The following ATN1 variants were observed in gnomAD, a reference collection of about 807,000 sequenced individuals.
ATN1 encodes atrophin-1.
In ATN1, 19 loss-of-function variants were observed where a neutral mutation model predicts 85.8. That is an observed-to-expected ratio of 0.22 (90% CI 0.15 to 0.32). The LOEUF (loss-of-function observed/expected upper bound fraction) is 0.32, where lower values mean the gene tolerates loss of function less well. Ranked by LOEUF, ATN1 falls within the 10% of genes least tolerant of loss-of-function variation. ATN1 has a pLI of 1.00. For synonymous variants in ATN1, 674 were observed against 657.0 expected, an observed-to-expected ratio of 1.03 and a Z score of -0.39; for missense variants, 1,453 against 1,564.5, an observed-to-expected ratio of 0.93 and a Z score of 1.20.
At chr12:6,926,409 T>C (rs1297915650), upstream of ATN1, among the ~76,000 whole-genome samples, 1 of 152,062 alleles carries the variant, frequency 6.6e-6, no homozygotes, top group African/African-American at 2.4e-5. Context: ...CCCATGAGCT[T>C]GCCAGCAACC....
At position 6,936,601 on chromosome 12, in the gene ATN1, C is replaced by T; in HGVS notation, c.1334C>T (p.Pro445Leu). 9.9e-6 allele frequency: 16 copies of T among 1,611,840 alleles called. No individual in the cohort carries two copies. The highest frequency in any genetic ancestry group is 1.3e-5 in the Non-Finnish European group (15 of 1,178,746). ...QAVWSQGPPP[P>L]PPYGRLLANS... ...GTGTGGAGCCAGGGTCCCCCACCAC[C>T]TCCTCCCTATGGCCGCCTCTTAGCC... Residue 445 changes from proline (P) to leucine (L), a missense_variant, in exon 5 of 10, where the codon CCT becomes CTT. By Grantham distance (98) the Pro-to-Leu change is moderately conservative. Transcript: ENST00000396684.
upstream of ATN1, chr12:6,924,508 C>T (rs959416828): frequency 6.6e-6 from 1 of 152,470 alleles, no homozygotes; most frequent in African/African-American, 2.4e-5. Flanking sequence ...AGGCTGTCCC[C>T]TGCGGGCCTC....
At chr12:6,929,604 G>A (rs2239167) in intron 1 of ATN1, among the ~76,000 whole-genome samples, 9,168 of 152,222 alleles carry the variant, frequency 0.06, 702 homozygotes, top group East Asian at 0.42. Context: ...TTGGGACTCT[G>A]GGCTGGGTTT....
At chr12:6,932,115 C>T (rs1555143131) in intron 1 of ATN1, among the ~76,000 whole-genome samples, 1 of 151,436 alleles carries the variant, frequency 6.6e-6, no homozygotes, top group Admixed American at 6.6e-5. Context: ...AGGCTCTGTC[C>T]CAGCAATTTT....
chr12:6,929,317 G>C (rs1722745678), intron 1 of ATN1, among the ~76,000 whole-genome samples: 1 of 152,124 alleles, frequency 6.6e-6, no homozygotes, highest in Non-Finnish European at 1.5e-5. Context: ...ATCTATATAG[G>C]GAGGCCTTAG....
At position 6,934,416 on chromosome 12, in the gene ATN1, A is replaced by C; in HGVS notation, c.166-49A>C. 1.2e-6 allele frequency: 2 copies of C among 1,607,858 alleles called. No homozygotes were observed. The highest frequency in any genetic ancestry group is 3.4e-5 in the Admixed American group (2 of 59,156). On this transcript the variant is annotated intron_variant, in intron 3 of 9. Coordinates refer to ENST00000396684, the MANE Select transcript of ATN1 (RefSeq NM_001940.4). This position sits in a 1 kb window ranked among gnomAD's most constrained non-coding sequence, Gnocchi z 4.5. ...CCTGTTTGGCAGAGGGTAACGGTGG[A>C]GCTCGGGAGGTAGGGAAAAGACAGG...
rs142325562 is a variant in ATN1, at chr12:6,935,779, C to T, written c.512C>T (p.Pro171Leu). The T allele has an allele frequency of 5.0e-5, 80 of 1,613,780 alleles. No homozygotes were observed. Among genetic ancestry groups the T allele is most frequent in the Middle Eastern group, 1.6e-4 (1 of 6,080 alleles). Residue 171 changes from proline (P) to leucine (L), a missense_variant, in exon 5 of 10, where the codon CCG becomes CTG. Pro to Leu is a moderately conservative substitution (Grantham distance 98, BLOSUM62 -3). Coordinates refer to ENST00000396684, the MANE Select transcript of ATN1 (RefSeq NM_001940.4). The surrounding 1 kb of genome is among the most constrained non-coding windows in gnomAD (Gnocchi z 5.3). ...PPPLFPPSPQ[P>L]PDSTPRQPEA... Reference sequence around the variant, plus strand: ...CCACTCTTTCCTCCTTCCCCTCAACCGCCAGACAGCACCCCTCGACAGCCA... The same window carrying T: ...CCACTCTTTCCTCCTTCCCCTCAACTGCCAGACAGCACCCCTCGACAGCCA...
At position 6,938,871 on chromosome 12, in the gene ATN1, C is replaced by T. The variant is rs1469414038; in HGVS notation, c.2908C>T (p.Pro970Ser). The change falls in exon 7 of 10, where the codon CCC becomes TCC. Residue 970 changes from proline (P) to serine (S), a missense_variant. Physicochemically the swap from Pro to Ser is moderately conservative, Grantham distance 74. Around this residue, in one of 6 missense-constraint regions of ATN1, gnomAD observed 208 missense variants for 263.4 expected, o/e 0.79. Transcript: ENST00000396684. ...TGGGGTCCCTGGGCCGGGCTTGGAT[C>T]CCTTTCCCCGACATGGGGGCCTGGC... Reference protein sequence around the residue: ...LHGVPGPGLDPFPRHGGLALQ... With the variant: ...LHGVPGPGLDSFPRHGGLALQ... 6.2e-7 allele frequency: 1 copy of T among 1,614,126 alleles called. No homozygotes were observed. Among genetic ancestry groups the T allele is most frequent in the African/African-American group, 1.3e-5 (1 of 75,048 alleles).
At chr12:6,925,638 G>A (rs1945392363), upstream of ATN1, among the ~76,000 whole-genome samples, 1 of 152,188 alleles carries the variant, frequency 6.6e-6, no homozygotes, top group Non-Finnish European at 1.5e-5. Context: ...TCATTCCCAG[G>A]CCAAGGAAGT....
At chr12:6,938,119 C>T (rs1190653984) in intron 6 of ATN1, 52 bp downstream of exon 6, 11 of 1,499,862 alleles carry the variant, frequency 7.3e-6, no homozygotes, top group African/African-American at 2.8e-5. Flanking sequence ...TTCCTTCCTT[C>T]CCTCTGCGCT....
At chr12:6,925,186 T>G (rs1318707977), upstream of ATN1, among the ~76,000 whole-genome samples, 1 of 151,842 alleles carries the variant, frequency 6.6e-6, no homozygotes, top group African/African-American at 2.4e-5. Context: ...ACTATAAGCC[T>G]GGCCCTCAGG....
chr12:6,933,375 C>T (rs1399972258), intron 1 of ATN1, among the ~76,000 whole-genome samples: 1 of 152,070 alleles, frequency 6.6e-6, no homozygotes, highest in African/African-American at 2.4e-5. Flanking sequence ...TGCCACCACG[C>T]CTGGCTGGGT....
In ATN1 at chr12:6,934,893, TTTTG is replaced by T. The variant is rs1291598698; in HGVS notation, c.279+327_279+330del. 2.0e-5 allele frequency among the ~76,000 whole-genome samples: 3 copies of T among 151,980 alleles called. No homozygotes were observed. The highest frequency in any genetic ancestry group is 2.9e-5 in the Non-Finnish European group (2 of 67,948). On this transcript the variant is annotated intron_variant, in intron 4 of 9. Coordinates refer to ENST00000396684, the MANE Select transcript of ATN1 (RefSeq NM_001940.4). The surrounding 1 kb of genome is among the most constrained non-coding windows in gnomAD (Gnocchi z 4.5). ...GTGGTCTTTCTTTTTTATTGTTTTT[TTTTG>T]TTTGTTTGTTTTTGAGACAGTTTCG...
In ATN1 at chr12:6,941,705, T is replaced by C; in HGVS notation, c.3540-42T>C. The C allele has an allele frequency of 1.2e-6, 2 of 1,609,978 alleles. No homozygotes were observed. Among genetic ancestry groups the C allele is most frequent in the Non-Finnish European group, 1.7e-6 (2 of 1,176,332 alleles). On this transcript the variant is annotated intron_variant, in intron 9 of 9. Transcript: ENST00000396684. The surrounding 1 kb of genome is among the most constrained non-coding windows in gnomAD (Gnocchi z 5.9). ...AGAGGGGGCAAGGTCAGAGTTGGTCTCAAGTCTCTTACCTCTCTGCTATGC... is the reference window on the plus strand; with the variant it reads ...AGAGGGGGCAAGGTCAGAGTTGGTCCCAAGTCTCTTACCTCTCTGCTATGC...
Position 6,935,564 on chromosome 12 carries a change from A to G in ATN1, c.297A>G (p.Pro99=). The change falls in exon 5 of 10, where the codon CCA becomes CCG. Residue 99 remains proline (P), a synonymous_variant. Coordinates refer to ENST00000396684, the MANE Select transcript of ATN1 (RefSeq NM_001940.4). The surrounding 1 kb of genome is among the most constrained non-coding windows in gnomAD (Gnocchi z 5.3). Reference sequence around the variant, plus strand: ...TTCTACAGCAGGAACTCCCTCGGCCACAGTCTCCCTCCGATCTGGATAGCT... The same window carrying G: ...TTCTACAGCAGGAACTCCCTCGGCCGCAGTCTCCCTCCGATCTGGATAGCT... The part of the protein sequence containing the change: ...KTKTEQELPR[P]QSPSDLDSLD... 2 of 1,610,742 alleles carry G rather than the reference A, an allele frequency of 1.2e-6. No individual in the cohort carries two copies. Among genetic ancestry groups the G allele is most frequent in the African/African-American group, 2.7e-5 (2 of 74,962 alleles).
rs1945631376 is a variant in ATN1 at position 6,941,311 on chromosome 12, C to T, written c.3359-63C>T. ...TTGTATGTAAAGGAGCTGGCTATCC[C>T]CTGGTCCAGAGCAGGTACTTGTTAT... On this transcript the variant is annotated intron_variant, in intron 8 of 9. Coordinates refer to ENST00000396684, the MANE Select transcript of ATN1 (RefSeq NM_001940.4). The surrounding 1 kb of genome is among the most constrained non-coding windows in gnomAD (Gnocchi z 5.9). 2.0e-6 allele frequency: 3 copies of T among 1,518,248 alleles called. No homozygotes were observed. The highest frequency in any genetic ancestry group is 2.8e-5 in the African/African-American group (2 of 71,572). 94.0% of individuals were successfully genotyped at this position (1,518,248 alleles called of 1,614,324 possible). A position where few individuals can be genotyped will look rare whatever the true frequency, so the allele number is the denominator to read the frequency against.
chr12:6,939,289 T>C (rs1804716621), intron 7 of ATN1, 112 bp downstream of exon 7: 1 of 1,394,962 alleles, frequency 7.2e-7, no homozygotes, highest in African/African-American at 1.4e-5. Flanking sequence ...GGCATGAACC[T>C]TTCCTGAGAT....
chr12:6,924,543 G>A (rs1234136267), upstream of ATN1: 1 of 152,544 alleles, frequency 6.6e-6, no homozygotes, highest in Non-Finnish European at 1.5e-5. Context: ...CGAAGGTCTG[G>A]TCCTGGCTCC....
intron 1 of ATN1, among the ~76,000 whole-genome samples, chr12:6,928,959 G>A (rs1350836898): frequency 2.6e-5 from 4 of 152,174 alleles, no homozygotes; most frequent in African/African-American, 9.7e-5. Context: ...CGGAGGCTTG[G>A]GCAAAGAGAG....
Sources: allele counts gnomAD v4.1 joint callset (sites outside exome capture counted in the v4.1 genomes callset), GRCh38; gene constraint gnomAD v4.1.1; regional missense constraint gnomAD v4.1.1; non-coding constraint Gnocchi (gnomAD v3.1); transcripts MANE v1.5; gene names NCBI Gene and HGNC (gene_info 2026-07-23, HGNC 2026-07-21).